The following MIA2 variants were observed in gnomAD, a reference collection of about 807,000 sequenced individuals.
MIA2 encodes melanoma inhibitory activity protein 2.
MIA2 carries 127 observed loss-of-function variants against 167.8 expected under a neutral mutation model. The ratio of observed to expected loss-of-function variants is 0.76; its 90% CI spans 0.66 to 0.88. MIA2 has a LOEUF of 0.88. MIA2 is among the 40% of genes least tolerant of loss of function. The pLI is 0.00. For synonymous variants in MIA2, 552 were observed against 541.9 expected, an observed-to-expected ratio of 1.02 and a Z score of -0.26; for missense variants, 1,690 against 1,624.7, an observed-to-expected ratio of 1.04 and a Z score of -0.69.
intron 7 of MIA2, 64 bp downstream of exon 7, chr14:39,277,129 A>G (rs1193407328): frequency 6.6e-7 from 1 of 1,512,856 alleles, no homozygotes; most frequent in Non-Finnish European, 8.9e-7. Flanking sequence ...AAATAATATG[A>G]GAAACATATT....
intron 19 of MIA2, 25 bp downstream of exon 19, chr14:39,313,466 CT>C (rs757950133): frequency 4.4e-6 from 6 of 1,363,986 alleles, no homozygotes; most frequent in Admixed American, 4.9e-5. Context: ...TTTCTGGTTT[CT>C]TTTTTGGAAT....
At chr14:39,300,285 C>T (rs2062178581) in intron 14 of MIA2, among the ~76,000 whole-genome samples, 1 of 152,000 alleles carries the variant, frequency 6.6e-6, no homozygotes. Context: ...ATGCTATCTG[C>T]TCCTGTTAGG....
chr14:39,318,639 C>T (rs1290480197), intron 22 of MIA2, among the ~76,000 whole-genome samples: 1 of 152,074 alleles, frequency 6.6e-6, no homozygotes, highest in Non-Finnish European at 1.5e-5. Flanking sequence ...TGTTTTATAT[C>T]TCATGATTAA....
At chr14:39,317,412 G>T (rs1039313101) in intron 21 of MIA2, among the ~76,000 whole-genome samples, 2 of 152,006 alleles carry the variant, frequency 1.3e-5, no homozygotes, top group Non-Finnish European at 2.9e-5. Flanking sequence ...GTTTTTTAGG[G>T]AAAAAGTGTT....
chr14:39,355,604 T>G (rs2074502403), downstream of MIA2, among the ~76,000 whole-genome samples: 1 of 152,250 alleles, frequency 6.6e-6, no homozygotes, highest in Admixed American at 6.5e-5. Flanking sequence ...ATAGGAGTGG[T>G]GAGAGAGGGC....
At chr14:39,321,359 G>T (rs1056190257) in intron 24 of MIA2, among the ~76,000 whole-genome samples, 3 of 151,856 alleles carry the variant, frequency 2.0e-5, no homozygotes, top group Non-Finnish European at 2.9e-5. Context: ...TTTCACCCAG[G>T]CTGGAGTGCA....
chr14:39,385,993 C>T, intron 23 of MIA2: 1 of 870,734 alleles, frequency 1.1e-6, no homozygotes, highest in Non-Finnish European at 1.9e-6. Flanking sequence ...GCAAGAACGC[C>T]TCCATCCAGC....
Position 39,387,002 on chromosome 14 carries a change from C to T in MIA2, c.*50C>T, listed in dbSNP as rs200066625. ...TAACGAGATCTGTGACGACTCGTAT[C>T]TGTTCAAGTGGAACAGAAGCCAGAA... On this transcript the variant is annotated 3_prime_UTR_variant, in exon 24 of 24. Transcript: ENST00000341502. The T allele has an allele frequency of 1.1e-4, 82 of 756,734 alleles. No individual in the cohort carries two copies. The East Asian group carries it at 2.1e-3, about 20-fold the overall frequency. 46.9% of individuals were successfully genotyped at this position (756,734 alleles called of 1,614,324 possible). A position where few individuals can be genotyped will look rare whatever the true frequency, so the allele number is the denominator to read the frequency against.
chr14:39,280,470 T>A (rs1373353686), intron 9 of MIA2, among the ~76,000 whole-genome samples: 1 of 152,110 alleles, frequency 6.6e-6, no homozygotes, highest in Non-Finnish European at 1.5e-5. Context: ...CGGTGGCTCA[T>A]GCTTGTAATC....
chr14:39,301,710 T>C (rs2062528129), intron 14 of MIA2, among the ~76,000 whole-genome samples: 1 of 152,260 alleles, frequency 6.6e-6, no homozygotes, highest in African/African-American at 2.4e-5. Context: ...TCTCAGCTAA[T>C]TGTTTCCTTG....
intron 9 of MIA2, among the ~76,000 whole-genome samples, chr14:39,290,299 A>G (rs1450557906): frequency 1.3e-5 from 2 of 152,002 alleles, no homozygotes; most frequent in African/African-American, 2.4e-5. Flanking sequence ...CTGTTTTGAT[A>G]GCTCTCTGAG....
chr14:39,249,051 G>A (rs1172463768), intron 4 of MIA2, among the ~76,000 whole-genome samples: 4 of 152,126 alleles, frequency 2.6e-5, no homozygotes, highest in African/African-American at 7.2e-5. Flanking sequence ...CTAAAGGAAA[G>A]TTTAATTAAA....
At chr14:39,289,585 T>C (rs1223693576) in intron 9 of MIA2, among the ~76,000 whole-genome samples, 1 of 152,182 alleles carries the variant, frequency 6.6e-6, no homozygotes, top group African/African-American at 2.4e-5. Context: ...AACCTAGTGG[T>C]GTAAAACAAC....
At chr14:39,385,664 C>T in intron 23 of MIA2, 1 of 952,740 alleles carries the variant, frequency 1.0e-6, no homozygotes. Context: ...AGCTTAAATG[C>T]AATCTTTTCT....
chr14:39,317,915 T>C (rs2065788585), intron 21 of MIA2, 29 bp from the exon 22 acceptor site: 1 of 1,477,248 alleles, frequency 6.8e-7, no homozygotes, highest in Non-Finnish European at 9.1e-7. Context: ...TATATAAATA[T>C]ATTTTTAAAA....
At chr14:39,296,656 C>CT (rs2061473230) in intron 13 of MIA2, among the ~76,000 whole-genome samples, 1 of 135,482 alleles carries the variant, frequency 7.4e-6, no homozygotes, top group African/African-American at 2.8e-5. Context: ...TTATTATACT[C>CT]TAAGTTTTAG....
chr14:39,291,941 GACCTTGT>G (rs939459341), intron 10 of MIA2, among the ~76,000 whole-genome samples: 1 of 152,176 alleles, frequency 6.6e-6, no homozygotes, highest in African/African-American at 2.4e-5. Context: ...GAAAACAGTA[GACCTTGT>G]ACCTTTGATA....
chr14:39,375,016 G>GAATCT (rs1463559702), intron 23 of MIA2, among the ~76,000 whole-genome samples: 1 of 152,132 alleles, frequency 6.6e-6, no homozygotes, highest in Admixed American at 6.5e-5. Flanking sequence ...ATGGAGGTTT[G>GAATCT]GACATGGCAA....
At chr14:39,298,048 T>C (rs928288345) in intron 13 of MIA2, among the ~76,000 whole-genome samples, 29 of 152,066 alleles carry the variant, frequency 1.9e-4, no homozygotes, top group African/African-American at 6.5e-4. Context: ...TGTGGGTTTA[T>C]GCCTTTGAAA....
Sources: gnomAD v4.1 joint callset for allele counts (sites outside exome capture counted in the v4.1 genomes callset) on GRCh38, gnomAD v4.1.1 for gene constraint, MANE v1.5 for transcripts, NCBI Gene and HGNC (gene_info 2026-07-23, HGNC 2026-07-21) for gene names.